SLC22A17: variants seen among roughly 807,000 people sequenced by gnomAD.
SLC22A17 encodes the protein solute carrier family 22 member 17.
Under a neutral mutation model 53.6 loss-of-function variants are expected in SLC22A17, and 38 were observed. The ratio of observed to expected loss-of-function variants is 0.71; its 90% CI spans 0.55 to 0.93. The LOEUF is 0.93. SLC22A17 is among the 40% of genes least tolerant of loss of function. The pLI, the probability that SLC22A17 is intolerant of heterozygous loss-of-function variation, is 0.00. For missense variants in SLC22A17, 704 were observed against 791.0 expected, an observed-to-expected ratio of 0.89 and a Z score of 1.32; for synonymous variants, 379 against 353.0, an observed-to-expected ratio of 1.07 and a Z score of -0.82.
At chr14:23,351,999 C>T (rs1481749202) in exon 2 of SLC22A17, 1 of 1,612,662 alleles carries the variant, frequency 6.2e-7, no homozygotes, top group Admixed American at 1.7e-5. Flanking sequence ...AGTCCCAATC[C>T]TTGAGGCAAT....
chr14:23,347,558 G>T lies in SLC22A17; in HGVS notation c.1451C>A (p.Thr484Asn), dbSNP rs765146313. The change falls in exon 8 of 10, where the codon ACC (threonine) becomes AAC (asparagine). Residue 484 changes from threonine (T) to asparagine (N), a missense_variant. Around this residue, in one of 4 missense-constraint regions of SLC22A17, gnomAD observed 435 missense variants for 529.0 expected, o/e 0.82. Transcript: ENST00000397267. This position sits in a 1 kb window ranked among gnomAD's most constrained non-coding sequence, Gnocchi z 5.1. ...GACCAGGGAAGCAATGCCGGTAAGG[G>T]TCATGGAGAGAAGAAGGATGCCCCG... 5.0e-6 allele frequency: 8 copies of T among 1,614,088 alleles called. No individual in the cohort carries two copies. The highest frequency in any genetic ancestry group is 6.8e-6 in the Non-Finnish European group (8 of 1,179,996).
rs534367546 is a variant in SLC22A17, at chr14:23,346,617, C to G, written c.*31G>C. On this transcript the variant is annotated 3_prime_UTR_variant, in exon 10 of 10. Transcript: ENST00000397267. ...TCTTCTTGCCACCTTTCTGTGTGGG[C>G]CAGCCTCCCGCCAGGGTACTCAGAG... 34 of 1,448,576 alleles carry G rather than the reference C, an allele frequency of 2.3e-5. No homozygotes were observed. In the South Asian group the frequency reaches 4.1e-4, roughly 18 times the overall value. The allele number at this position is 1,448,576 out of a possible 1,614,324, so 89.7% of individuals were successfully genotyped here. A position where few individuals can be genotyped will look rare whatever the true frequency, so the allele number is the denominator to read the frequency against.
chr14:23,348,067 G>C lies in SLC22A17; in HGVS notation c.1172-71C>G. ...CAGGATCCTCCCACATGGGTGGTGG[G>C]GACCCTGGGAGAAGGTGGCACAGCT... On this transcript the variant is annotated intron_variant, in intron 6 of 9. Transcript: ENST00000397267. The surrounding 1 kb of genome is among the most constrained non-coding windows in gnomAD (Gnocchi z 4.5). The C allele has an allele frequency of 2.5e-6, 4 of 1,609,992 alleles. No homozygotes were observed. Among genetic ancestry groups the C allele is most frequent in the Non-Finnish European group, 3.4e-6 (4 of 1,176,964 alleles).
chr14:23,346,881 G>A (rs1404989472), exon 10 of SLC22A17: 9 of 1,538,038 alleles, frequency 5.9e-6, no homozygotes, highest in Non-Finnish European at 7.0e-6. Context: ...CGCTGGGCCG[G>A]GCCGCTCAGT....
rs1238279113 is a variant in SLC22A17, at chr14:23,347,357, G to T, written c.1549+103C>A. 2.6e-6 allele frequency: 4 copies of T among 1,509,732 alleles called. No homozygotes were observed. The highest frequency in any genetic ancestry group is 2.7e-6 in the Non-Finnish European group (3 of 1,117,160). 93.5% of individuals were successfully genotyped at this position (1,509,732 alleles called of 1,614,324 possible). A position where few individuals can be genotyped will look rare whatever the true frequency, so the allele number is the denominator to read the frequency against. Reference sequence around the variant, plus strand: ...CAGTAATTGACTGGGAGAGCAGATGGGGCTGTGGGGCCAGGTGGAGGCTCG... The same window carrying T: ...CAGTAATTGACTGGGAGAGCAGATGTGGCTGTGGGGCCAGGTGGAGGCTCG... On this transcript the variant is annotated intron_variant, in intron 8 of 9. Transcript: ENST00000397267. The surrounding 1 kb of genome is among the most constrained non-coding windows in gnomAD (Gnocchi z 5.1).
Position 23,348,244 on chromosome 14 carries a change from G to A in SLC22A17, c.1088C>T (p.Ala363Val), listed in dbSNP as rs1441781393. The A allele has an allele frequency of 6.2e-7, 1 of 1,614,136 alleles. No individual in the cohort carries two copies. Among genetic ancestry groups the A allele is most frequent in the Non-Finnish European group, 8.5e-7 (1 of 1,180,008 alleles). ...AGCCAGGATCCTCAGCACAGACTGA[G>A]CCTCCTCAATCTGCCGCTTCACTAT... Residue 363 changes from alanine (A) to valine (V), a missense_variant, in exon 6 of 10, where the codon GCT becomes GTT. By Grantham distance (64) the Ala-to-Val change is moderately conservative (BLOSUM62 0). Transcript: ENST00000397267. This position sits in a 1 kb window ranked among gnomAD's most constrained non-coding sequence, Gnocchi z 4.5.
chr14:23,350,412 T>A (rs1293853326), intron 3 of SLC22A17, among the ~76,000 whole-genome samples: 1 of 152,210 alleles, frequency 6.6e-6, no homozygotes, highest in Non-Finnish European at 1.5e-5. Flanking sequence ...GGGATGAATC[T>A]ATTAATCCAT....
chr14:23,347,608 C>T lies in SLC22A17; in HGVS notation c.1401G>A (p.Gly467=), dbSNP rs1889303903. 2 of 1,613,966 alleles carry T rather than the reference C, an allele frequency of 1.2e-6. No homozygotes were observed. The highest frequency in any genetic ancestry group is 2.2e-5 in the South Asian group (2 of 91,074). Reference sequence around the variant, plus strand: ...GGCGGCCAAATCGGTCCACGGTGACCCCCAGGAAGACACAGGCCAGGGCTG... The same window carrying T: ...GGCGGCCAAATCGGTCCACGGTGACTCCCAGGAAGACACAGGCCAGGGCTG... Residue 467 remains glycine (G), a synonymous_variant, in exon 8 of 10, where the codon GGG becomes GGA. Coordinates refer to ENST00000397267, the Ensembl canonical transcript of SLC22A17. The surrounding 1 kb of genome is among the most constrained non-coding windows in gnomAD (Gnocchi z 5.1).
chr14:23,348,828 A>AG lies in SLC22A17; in HGVS notation c.860-158dup. 1.3e-6 allele frequency: 1 copy of AG among 761,260 alleles called. No individual in the cohort carries two copies. Among genetic ancestry groups the AG allele is most frequent in the Non-Finnish European group, 2.1e-6 (1 of 485,034 alleles). The allele number at this position is 761,260 out of a possible 1,614,324, so 47.2% of individuals were successfully genotyped here. Reference sequence around the variant, plus strand: ...CTCCCTTGCTAACCTCTGGGTGGCAAGGACTGGGGAGACTGTTCAGCCCTC... The same window carrying AG: ...CTCCCTTGCTAACCTCTGGGTGGCAAGGGACTGGGGAGACTGTTCAGCCCTC... On this transcript the variant is annotated intron_variant, in intron 4 of 9. Coordinates refer to ENST00000397267, the Ensembl canonical transcript of SLC22A17. The surrounding 1 kb of genome is among the most constrained non-coding windows in gnomAD (Gnocchi z 4.5).
intron 3 of SLC22A17, chr14:23,351,470 G>A (rs1397053295): frequency 7.6e-6 from 3 of 393,688 alleles, no homozygotes; most frequent in Non-Finnish European, 1.4e-5. Flanking sequence ...TATTCTCTTT[G>A]GAGATGAGGC....
At chr14:23,349,530 A>T (rs1037183912) in intron 3 of SLC22A17, 104 bp from the exon 4 acceptor site, 1 of 1,345,942 alleles carries the variant, frequency 7.4e-7, no homozygotes, top group African/African-American at 1.5e-5. Flanking sequence ...ATGAGAATGA[A>T]GTTCTGGGAG....
exon 10 of SLC22A17, chr14:23,346,643 G>A: frequency 4.7e-6 from 7 of 1,477,478 alleles, no homozygotes; most frequent in Non-Finnish European, 6.3e-6. Context: ...GTACTCAGAG[G>A]CCGCTCAGAG....
At position 23,352,424 on chromosome 14, in the gene SLC22A17, G is replaced by A; in HGVS notation, c.124C>T (p.Pro42Ser). ...CGCTCACCCTGCAGCTGCTCCGTGG[G>A]CACCGCATCTCCGAGGGTCCCGACC... The change falls in exon 2 of 10, where the codon CCC (proline) becomes TCC (serine). Residue 42 changes from proline to serine, a missense_variant. Transcript: ENST00000397267. This position sits in a 1 kb window ranked among gnomAD's most constrained non-coding sequence, Gnocchi z 7.2. 2.0e-6 allele frequency: 1 copy of A among 493,994 alleles called. No homozygotes were observed. The highest frequency in any genetic ancestry group is 3.4e-6 in the Non-Finnish European group (1 of 291,312). The allele number at this position is 493,994 out of a possible 1,614,324, so 30.6% of individuals were successfully genotyped here. A position where few individuals can be genotyped will look rare whatever the true frequency, so the allele number is the denominator to read the frequency against.
At chr14:23,346,722 A>T in exon 10 of SLC22A17, 1 of 1,545,092 alleles carries the variant, frequency 6.5e-7, no homozygotes, top group African/African-American at 1.3e-5. Context: ...CGCAGCAGGG[A>T]AGGCCGGCGA....
exon 10 of SLC22A17, chr14:23,346,783 C>G (rs768644459): frequency 5.2e-6 from 8 of 1,542,952 alleles, no homozygotes; most frequent in Admixed American, 1.9e-5. Flanking sequence ...GCTTGGTCTC[C>G]GGCAGCAGCA....
chr14:23,349,572 G>A, intron 3 of SLC22A17, 146 bp from the exon 4 acceptor site: 1 of 950,722 alleles, frequency 1.1e-6, no homozygotes, highest in Non-Finnish European at 1.5e-6. Context: ...AGAAGATGGG[G>A]AGGGATGGGG....
Position 23,348,183 on chromosome 14 carries a change from C to T in SLC22A17, c.1149G>A (p.Glu383=). The change falls in exon 6 of 10, where the codon GAG becomes GAA. Residue 383 remains glutamate (E), a synonymous_variant. Transcript: ENST00000397267. This position sits in a 1 kb window ranked among gnomAD's most constrained non-coding sequence, Gnocchi z 4.5. ...TACCCTGCAGGGCCTCCTGGGCCTC[C>T]TCCCCCAGCATCTGCCCATGGGGCC... The T allele has an allele frequency of 1.9e-6, 3 of 1,614,130 alleles. No individual in the cohort carries two copies. The highest frequency in any genetic ancestry group is 2.5e-6 in the Non-Finnish European group (3 of 1,179,988).
At chr14:23,349,527 T>G in intron 3 of SLC22A17, 101 bp from the exon 4 acceptor site, 1 of 1,380,220 alleles carries the variant, frequency 7.2e-7, no homozygotes, top group South Asian at 1.4e-5. Context: ...GGTATGAGAA[T>G]GAAGTTCTGG....
At chr14:23,351,471 G>A (rs1404837152) in intron 3 of SLC22A17, 3 of 396,062 alleles carry the variant, frequency 7.6e-6, no homozygotes, top group Non-Finnish European at 1.4e-5. Flanking sequence ...ATTCTCTTTG[G>A]AGATGAGGCC....
Sources: gnomAD v4.1 joint callset for allele counts (sites outside exome capture counted in the v4.1 genomes callset) on GRCh38, gnomAD v4.1.1 for gene constraint, gnomAD v4.1.1 regional missense constraint, Gnocchi (gnomAD v3.1) non-coding constraint, MANE v1.5 for transcripts, NCBI Gene and HGNC (gene_info 2026-07-23, HGNC 2026-07-21) for gene names.